The following IFT80 variants were observed in gnomAD, a reference collection of about 807,000 sequenced individuals.
The protein encoded by IFT80 is intraflagellar transport 80.
A neutral mutation model predicts 107.9 loss-of-function variants in IFT80; 79 were observed. The ratio of observed to expected loss-of-function variants is 0.73; its 90% CI spans 0.61 to 0.88. IFT80 has a LOEUF of 0.88. Among genes scored for constraint, IFT80 ranks in the 40% least tolerant of loss-of-function variants. The pLI is 0.00. For missense variants in IFT80, 797 were observed against 914.2 expected (o/e 0.87, Z 1.65); for synonymous variants, 299 against 300.9 (o/e 0.99, Z 0.07).
chr3:160,365,963 A>T, intron 6 of IFT80, 80 bp downstream of exon 6: 1 of 1,016,802 alleles, frequency 9.8e-7, no homozygotes, highest in East Asian at 2.4e-5. Flanking sequence ...CACCCAGAAG[A>T]AAGAGACTCC....
chr3:160,350,597 A>T (rs1720618568), intron 8 of IFT80, among the ~76,000 whole-genome samples: 1 of 152,150 alleles, frequency 6.6e-6, no homozygotes, highest in Admixed American at 6.5e-5. Flanking sequence ...CAGGTGGATC[A>T]CGAGGTCAAG....
chr3:160,358,322 C>T (rs1721249521), intron 6 of IFT80, among the ~76,000 whole-genome samples: 1 of 150,436 alleles, frequency 6.6e-6, no homozygotes, highest in East Asian at 2.0e-4. Flanking sequence ...CCCCCTCAAC[C>T]ATTTTTTTTT....
chr3:160,292,910 G>C (rs1442345941), intron 12 of IFT80, among the ~76,000 whole-genome samples: 1 of 152,132 alleles, frequency 6.6e-6, no homozygotes, highest in Non-Finnish European at 1.5e-5. Context: ...GAAAGAAATT[G>C]TAACTATACT....
At chr3:160,363,634 A>C (rs1721654943) in intron 6 of IFT80, among the ~76,000 whole-genome samples, 1 of 151,662 alleles carries the variant, frequency 6.6e-6, no homozygotes, top group African/African-American at 2.4e-5. Context: ...CTACCACAAC[A>C]GCATGGTACT....
At chr3:160,305,462 G>GA (rs1003879522) in intron 10 of IFT80, among the ~76,000 whole-genome samples, 3 of 152,010 alleles carry the variant, frequency 2.0e-5, no homozygotes, top group African/African-American at 7.2e-5. Context: ...TTGTACTTTA[G>GA]AAAAAAATCA....
At chr3:160,390,433 AAAAG>A (rs1713291851) in intron 1 of IFT80, among the ~76,000 whole-genome samples, 1 of 152,030 alleles carries the variant, frequency 6.6e-6, no homozygotes, top group Non-Finnish European at 1.5e-5. Flanking sequence ...AAAAAAAAGA[AAAAG>A]AAAAGAAAAG....
chr3:160,293,232 G>A (rs1470733189), intron 12 of IFT80, among the ~76,000 whole-genome samples: 1 of 152,184 alleles, frequency 6.6e-6, no homozygotes, highest in Non-Finnish European at 1.5e-5. Context: ...GACCTCTCCT[G>A]CCTGGAACTT....
intron 1 of IFT80, among the ~76,000 whole-genome samples, chr3:160,387,998 T>C (rs1713074199): frequency 6.6e-6 from 1 of 152,232 alleles, no homozygotes; most frequent in Non-Finnish European, 1.5e-5. Flanking sequence ...AGATAGGTTA[T>C]GACTGTGAAA....
intron 8 of IFT80, among the ~76,000 whole-genome samples, chr3:160,351,407 C>T (rs1464267737): frequency 6.7e-6 from 1 of 149,238 alleles, no homozygotes; most frequent in African/African-American, 2.4e-5. Context: ...TTCCACTAAG[C>T]CTTCTTTATC....
chr3:160,397,547 G>C (rs543629265), intron 1 of IFT80, among the ~76,000 whole-genome samples: 1 of 152,030 alleles, frequency 6.6e-6, no homozygotes, highest in African/African-American at 2.4e-5. Context: ...TGATGAGACA[G>C]GTATTATATG....
chr3:160,315,545 C>G (rs1045213297), intron 9 of IFT80, among the ~76,000 whole-genome samples: 1 of 152,180 alleles, frequency 6.6e-6, no homozygotes, highest in African/African-American at 2.4e-5. Flanking sequence ...CTCAAGCTTA[C>G]CCTTTCCCTT....
intron 8 of IFT80, among the ~76,000 whole-genome samples, chr3:160,349,108 A>AT (rs139004294): frequency 0.22 from 33,184 of 152,012 alleles, 3,897 homozygotes; most frequent in Non-Finnish European, 0.26. Context: ...ATCCTGATAA[A>AT]TTTGTTTCTT....
chr3:160,396,239 C>A (rs1010025894), intron 1 of IFT80, among the ~76,000 whole-genome samples: 3 of 151,986 alleles, frequency 2.0e-5, no homozygotes, highest in African/African-American at 7.2e-5. Context: ...TACCAAGGTG[C>A]TTATATTATC....
chr3:160,390,277 C>T (rs896578627), intron 1 of IFT80, among the ~76,000 whole-genome samples: 1 of 151,876 alleles, frequency 6.6e-6, no homozygotes, highest in African/African-American at 2.4e-5. Flanking sequence ...ATTAGCTGGG[C>T]ATGGTGGTGC....
At chr3:160,296,401 T>C (rs1715986418) in intron 12 of IFT80, among the ~76,000 whole-genome samples, 1 of 151,886 alleles carries the variant, frequency 6.6e-6, no homozygotes, top group Non-Finnish European at 1.5e-5. Context: ...GCCAAAGGAG[T>C]GTCTATTGCT....
At chr3:160,349,501 C>T (rs1720524835) in intron 8 of IFT80, among the ~76,000 whole-genome samples, 1 of 151,662 alleles carries the variant, frequency 6.6e-6, no homozygotes, top group South Asian at 2.1e-4. Context: ...TTGTGAAGAG[C>T]TCTCAAACAC....
chr3:160,367,240 A>G (rs770178981), intron 5 of IFT80, among the ~76,000 whole-genome samples: 3 of 152,084 alleles, frequency 2.0e-5, no homozygotes, highest in African/African-American at 7.2e-5. Context: ...AACAAACACA[A>G]AAGTGTAGCT....
At chr3:160,267,171 C>T (rs1378548016) in intron 19 of IFT80, among the ~76,000 whole-genome samples, 11 of 152,194 alleles carry the variant, frequency 7.2e-5, no homozygotes. Flanking sequence ...AAAGGCCTCA[C>T]TAACATGAAA....
intron 1 of IFT80, among the ~76,000 whole-genome samples, chr3:160,393,439 G>A (rs1165689749): frequency 6.6e-6 from 1 of 152,206 alleles, no homozygotes; most frequent in Non-Finnish European, 1.5e-5. Flanking sequence ...AATACTGTAT[G>A]AATTCCACTT....
Sources: gnomAD v4.1 joint callset for allele counts (sites outside exome capture counted in the v4.1 genomes callset) on GRCh38, gnomAD v4.1.1 for gene constraint, MANE v1.5 for transcripts, NCBI Gene and HGNC (gene_info 2026-07-23, HGNC 2026-07-21) for gene names.